The following GSAP variants were observed in gnomAD, a reference collection of about 807,000 sequenced individuals.
GSAP encodes gamma-secretase-activating protein.
In GSAP, 118 loss-of-function variants were observed where a neutral mutation model predicts 131.7. The observed-to-expected ratio is 0.90, with a 90% CI of 0.77 to 1.04. The LOEUF is 1.04. Among genes scored for constraint, GSAP ranks in the 50% least tolerant of loss-of-function variants. The probability of loss-of-function intolerance (pLI) is 0.00; values close to 1 mark genes in which losing one functional copy is unlikely to be tolerated. For missense variants in GSAP, 1,019 were observed against 1,013.2 expected, an observed-to-expected ratio of 1.01 and a Z score of -0.08; for synonymous variants, 381 against 363.4, an observed-to-expected ratio of 1.05 and a Z score of -0.55.
At chr7:77,414,814 C>G (rs541418674) in intron 1 of GSAP, among the ~76,000 whole-genome samples, 1 of 136,686 alleles carries the variant, frequency 7.3e-6, no homozygotes, top group South Asian at 2.4e-4. Flanking sequence ...AAAAGTTAAG[C>G]CTTCAAAAAC....
In GSAP at chr7:77,320,207, TCAA is replaced by T. The variant is rs568288183; in HGVS notation, c.2089+515_2089+517del. ...ACGTTACCGGTCATGTCATAGTTGC[TCAA>T]CAAATATTTGTTGACTAAATGAACA... On this transcript the variant is annotated intron_variant, in intron 26 of 30. Coordinates refer to ENST00000257626, the MANE Select transcript of GSAP (RefSeq NM_017439.4). 2.0e-5 allele frequency among the ~76,000 whole-genome samples: 3 copies of T among 152,206 alleles called. No individual in the cohort carries two copies. The South Asian group carries it at 6.2e-4, about 32-fold the overall frequency.
chr7:77,350,453 C>A, intron 18 of GSAP, among the ~76,000 whole-genome samples: 1 of 150,758 alleles, frequency 6.6e-6, no homozygotes, highest in South Asian at 2.1e-4. Flanking sequence ...GTTTCTGCAG[C>A]AGCCAGGTGC....
intron 3 of GSAP, among the ~76,000 whole-genome samples, chr7:77,400,315 C>T (rs769983586): frequency 2.2e-4 from 33 of 152,194 alleles, no homozygotes; most frequent in Non-Finnish European, 3.1e-4. Context: ...GTAAAGAGTT[C>T]CCTTTCCACC....
rs1490512390 is a variant in GSAP, at chr7:77,355,301, A to T, written c.1250T>A (p.Leu417Gln). Residue 417 changes from leucine to glutamine, a missense_variant, in exon 16 of 31, where the codon CTG becomes CAG. By Grantham distance (113) the Leu-to-Gln change is moderately radical (BLOSUM62 -2). Transcript: ENST00000257626. ...LLSQSSLLQL[L>Q]QNTCLDCEKM... ...CTCACAGTCTAAGCAAGTGTTCTGC[A>T]GAAGCTGTAATAAAGACGACTGGCT... is the stretch of plus-strand genomic sequence containing the variant. 6.2e-7 allele frequency: 1 copy of T among 1,613,998 alleles called. No individual in the cohort carries two copies. Among genetic ancestry groups the T allele is most frequent in the Admixed American group, 1.7e-5 (1 of 60,026 alleles).
At chr7:77,362,349 T>G (rs548144452) in intron 13 of GSAP, among the ~76,000 whole-genome samples, 65 of 152,194 alleles carry the variant, frequency 4.3e-4, no homozygotes, top group Admixed American at 7.2e-4. Flanking sequence ...TAGCTAGGCA[T>G]GATGGCACAC....
chr7:77,314,045 A>T (rs557699342), intron 27 of GSAP, among the ~76,000 whole-genome samples: 1 of 152,184 alleles, frequency 6.6e-6, no homozygotes, highest in Non-Finnish European at 1.5e-5. Context: ...AAGGAATCTA[A>T]TAGTTGTATG....
chr7:77,311,345 T>A lies in GSAP; in HGVS notation c.*13A>T. 6.6e-7 allele frequency: 1 copy of A among 1,509,338 alleles called. No homozygotes were observed. The highest frequency in any genetic ancestry group is 9.2e-7 in the Non-Finnish European group (1 of 1,084,946). 93.5% of individuals were successfully genotyped at this position (1,509,338 alleles called of 1,614,324 possible). A position where few individuals can be genotyped will look rare whatever the true frequency, so the allele number is the denominator to read the frequency against. On this transcript the variant is annotated 3_prime_UTR_variant, in exon 31 of 31. Transcript: ENST00000257626. ...TTAAAATGGCAGCAGCAGATCCAAT[T>A]GCGTTTTCTTTTTCATAAGCCTAAA...
At chr7:77,341,020 T>C (rs1056829079) in intron 19 of GSAP, among the ~76,000 whole-genome samples, 2 of 152,180 alleles carry the variant, frequency 1.3e-5, no homozygotes, top group African/African-American at 4.8e-5. Flanking sequence ...CTAAGCATCT[T>C]ATTTTCTTGT....
At chr7:77,375,855 A>AC (rs1437389511) in intron 10 of GSAP, among the ~76,000 whole-genome samples, 1 of 151,836 alleles carries the variant, frequency 6.6e-6, no homozygotes, top group South Asian at 2.1e-4. Context: ...AAAAAAAAAA[A>AC]AAACAAACAA....
chr7:77,358,850 G>T (rs953307803), intron 14 of GSAP, among the ~76,000 whole-genome samples: 6 of 152,232 alleles, frequency 3.9e-5, no homozygotes, highest in Admixed American at 3.9e-4. Context: ...AGTTTTAGTT[G>T]AAATAAAATG....
intron 5 of GSAP, among the ~76,000 whole-genome samples, chr7:77,392,197 G>C (rs1409587736): frequency 1.3e-5 from 2 of 151,834 alleles, no homozygotes; most frequent in Admixed American, 6.6e-5. Flanking sequence ...ACTCCAGCCT[G>C]GGTGACAGAG....
At chr7:77,321,870 A>C (rs1476075925) in intron 24 of GSAP, among the ~76,000 whole-genome samples, 1 of 152,214 alleles carries the variant, frequency 6.6e-6, no homozygotes, top group East Asian at 1.9e-4. Context: ...ACCCTACACA[A>C]GTTACCCACC....
At chr7:77,364,292 T>C (rs1303655201) in intron 12 of GSAP, among the ~76,000 whole-genome samples, 1 of 151,992 alleles carries the variant, frequency 6.6e-6, no homozygotes, top group African/African-American at 2.4e-5. Flanking sequence ...TCCTGGGAAA[T>C]GAACATGATG....
rs181942429 is a variant in GSAP, at chr7:77,335,019, C to G, written c.1546-4652G>C. ...AATGGCATGAACCCGGGAGGCAGAG[C>G]TTGCAGTGAGCTGAGATCGCGCCAC... On this transcript the variant is annotated intron_variant, in intron 19 of 30. Coordinates refer to ENST00000257626, the MANE Select transcript of GSAP (RefSeq NM_017439.4). Among the ~76,000 whole-genome samples the G allele has an allele frequency of 2.8e-3, 419 of 151,828 alleles. 3 individuals are homozygous for G. Among genetic ancestry groups the G allele is most frequent in the African/African-American group, 1.0e-2 (413 of 41,396 alleles).
chr7:77,376,821 TG>T (rs781053951), intron 10 of GSAP, 26 bp downstream of exon 10: 100 of 1,111,174 alleles, frequency 9.0e-5, no homozygotes, highest in Non-Finnish European at 1.2e-4. Flanking sequence ...TAAACTTTCC[TG>T]TAGTGTGATC....
chr7:77,331,322 A>G (rs1426352296), intron 19 of GSAP, among the ~76,000 whole-genome samples: 1 of 152,214 alleles, frequency 6.6e-6, no homozygotes, highest in Non-Finnish European at 1.5e-5. Flanking sequence ...AAATAAAAAA[A>G]TACATTCTTA....
Position 77,404,570 on chromosome 7 carries a change from T to G in GSAP, c.232A>C (p.Arg78=). ...TCTATGATTTTTACCTCATTTTGTC[T>G]GGTTTGACAATCATATAATCCAAAG... ...VVFGLYDCQT[R]QNELLYTFEK... is the part of the protein sequence containing the mutation. Residue 78 remains arginine (R), a synonymous_variant, in exon 3 of 31, where the codon AGA becomes CGA. Transcript: ENST00000257626. The G allele has an allele frequency of 3.2e-6, 5 of 1,555,118 alleles. No individual in the cohort carries two copies. Among genetic ancestry groups the G allele is most frequent in the Non-Finnish European group, 4.4e-6 (5 of 1,128,440 alleles).
chr7:77,329,406 A>C lies in GSAP; in HGVS notation c.1675-15T>G. On this transcript the variant is annotated splice_polypyrimidine_tract_variant and intron_variant, in intron 20 of 30. Coordinates refer to ENST00000257626, the MANE Select transcript of GSAP (RefSeq NM_017439.4). ...TTTCCTGTTTTCTAGGAGTGAGAAC[A>C]CGTCAGAAATGTGGAAGGTAAAGGT... The C allele has an allele frequency of 6.6e-7, 1 of 1,520,760 alleles. No individual in the cohort carries two copies. Among genetic ancestry groups the C allele is most frequent in the Non-Finnish European group, 9.0e-7 (1 of 1,110,544 alleles). The allele number at this position is 1,520,760 out of a possible 1,614,324, so 94.2% of individuals were successfully genotyped here. A position where few individuals can be genotyped will look rare whatever the true frequency, so the allele number is the denominator to read the frequency against.
Position 77,369,241 on chromosome 7 carries a change from G to A in GSAP, c.871+4829C>T, listed in dbSNP as rs529143699. Among the ~76,000 whole-genome samples, 3 of 152,342 alleles carry A rather than the reference G, an allele frequency of 2.0e-5. No individual in the cohort carries two copies. In the East Asian group the frequency reaches 5.8e-4, roughly 29 times the overall value. ...AACACACAAGAGCACTACAGCTTCA[G>A]AGTTGACTATTAGGTAGGGAAATAG... is the stretch of plus-strand genomic sequence containing the variant. On this transcript the variant is annotated intron_variant, in intron 12 of 30. Coordinates refer to ENST00000257626, the MANE Select transcript of GSAP (RefSeq NM_017439.4).
Sources: allele counts gnomAD v4.1 joint callset (sites outside exome capture counted in the v4.1 genomes callset), GRCh38; gene constraint gnomAD v4.1.1; transcripts MANE v1.5; gene names NCBI Gene and HGNC (gene_info 2026-07-23, HGNC 2026-07-21).